LYPLAL1: variants seen among roughly 807,000 people sequenced by gnomAD.
The protein encoded by LYPLAL1 is lysophospholipase-like protein 1.
Under a neutral mutation model 19.7 loss-of-function variants are expected in LYPLAL1, and 23 were observed. The ratio of observed to expected loss-of-function variants is 1.17; its 90% CI spans 0.84 to 1.65. LYPLAL1 has a LOEUF of 1.65. LYPLAL1 is among the 40% of genes most tolerant of loss of function. The pLI is 0.00. For synonymous variants in LYPLAL1, 119 were observed against 96.3 expected (o/e 1.24, Z -1.38); for missense variants, 355 against 279.4 (o/e 1.27, Z -1.93).
At chr1:219,421,415 A>G in the LYPLAL1 span, among the ~76,000 whole-genome samples, 2 of 152,236 alleles carry the variant, frequency 1.3e-5, no homozygotes, top group African/African-American at 4.8e-5. Flanking sequence ...AGTTGCATTC[A>G]TAGCCAATTC....
At chr1:219,314,667 C>T in the LYPLAL1 span, among the ~76,000 whole-genome samples, 8 of 152,084 alleles carry the variant, frequency 5.3e-5, no homozygotes, top group African/African-American at 9.7e-5. Context: ...CTCCTGACTT[C>T]GTGATCCACC....
chr1:219,444,727 C>G, the LYPLAL1 span, among the ~76,000 whole-genome samples: 13 of 152,252 alleles, frequency 8.5e-5, no homozygotes, highest in East Asian at 2.5e-3. Context: ...AAAGCAGATA[C>G]TGTAACATGC....
At chr1:219,365,445 C>A in the LYPLAL1 span, among the ~76,000 whole-genome samples, 4 of 152,060 alleles carry the variant, frequency 2.6e-5, no homozygotes, top group African/African-American at 9.7e-5. Flanking sequence ...TTAGTAAAAA[C>A]CAAAACAACC....
chr1:219,339,366 GTAT>G, the LYPLAL1 span, among the ~76,000 whole-genome samples: 1 of 151,982 alleles, frequency 6.6e-6, no homozygotes, highest in Non-Finnish European at 1.5e-5. Flanking sequence ...CTATCCCACG[GTAT>G]TATAATAAGG....
chr1:219,193,037 C>G, intron 2 of LYPLAL1, 45 bp from the exon 3 acceptor site: 1 of 1,498,088 alleles, frequency 6.7e-7, no homozygotes, highest in South Asian at 1.3e-5. Flanking sequence ...TTTTCATATT[C>G]CCTTTTCCTT....
chr1:219,284,509 G>A, the LYPLAL1 span, among the ~76,000 whole-genome samples: 1 of 151,964 alleles, frequency 6.6e-6, no homozygotes, highest in Non-Finnish European at 1.5e-5. Context: ...CACCTACTAT[G>A]TACCTACAAA....
At chr1:219,213,227 G>C (rs1050690880), downstream of LYPLAL1, among the ~76,000 whole-genome samples, 1 of 151,964 alleles carries the variant, frequency 6.6e-6, no homozygotes, top group African/African-American at 2.4e-5. Context: ...AATTCAGCTA[G>C]ATCTTGCCTT....
chr1:219,439,194 A>G, the LYPLAL1 span, among the ~76,000 whole-genome samples: 356 of 152,202 alleles, frequency 2.3e-3, 3 homozygotes, highest in African/African-American at 8.3e-3. Flanking sequence ...ACTGCTTCAT[A>G]GGTACTCTTC....
the LYPLAL1 span, among the ~76,000 whole-genome samples, chr1:219,274,816 CAT>C: frequency 6.6e-6 from 1 of 152,184 alleles, no homozygotes; most frequent in South Asian, 2.1e-4. Context: ...GACATTATCA[CAT>C]GAGATCATCT....
the LYPLAL1 span, among the ~76,000 whole-genome samples, chr1:219,362,028 T>A: frequency 4.6e-5 from 7 of 152,130 alleles, no homozygotes; most frequent in Admixed American, 3.9e-4. Context: ...AAATTAAATG[T>A]TAATCCTCTT....
the LYPLAL1 span, among the ~76,000 whole-genome samples, chr1:219,260,823 G>A: frequency 2.0e-5 from 3 of 151,446 alleles, no homozygotes; most frequent in Non-Finnish European, 4.4e-5. Context: ...AGTTCTTGAA[G>A]ACAAAAAAAC....
the LYPLAL1 span, among the ~76,000 whole-genome samples, chr1:219,429,837 A>G: frequency 6.6e-5 from 10 of 152,298 alleles, no homozygotes; most frequent in South Asian, 4.1e-4. Context: ...TGGGAAATTC[A>G]GTTGTACATG....
the LYPLAL1 span, among the ~76,000 whole-genome samples, chr1:219,372,391 TC>T: frequency 6.6e-6 from 1 of 152,230 alleles, no homozygotes; most frequent in Admixed American, 6.5e-5. Context: ...TTCAGTTTTC[TC>T]ATTTTCCAAG....
At chr1:219,222,174 A>AGAG in the LYPLAL1 span, 112,021 of 151,538 alleles carry the variant, frequency 0.74, 42,191 homozygotes, top group East Asian at 0.92. Context: ...TAAGGCAGTG[A>AGAG]GAGGAGGAGG....
the LYPLAL1 span, among the ~76,000 whole-genome samples, chr1:219,424,083 T>C: frequency 6.6e-6 from 1 of 150,602 alleles, no homozygotes; most frequent in Non-Finnish European, 1.5e-5. Flanking sequence ...ATACAGAAAA[T>C]AATTAAGATC....
At chr1:219,275,222 C>A in the LYPLAL1 span, among the ~76,000 whole-genome samples, 1 of 151,908 alleles carries the variant, frequency 6.6e-6, no homozygotes, top group East Asian at 1.9e-4. Flanking sequence ...AGCAAGCTTT[C>A]CCTCATTTAA....
At chr1:219,431,641 A>G in the LYPLAL1 span, among the ~76,000 whole-genome samples, 1 of 152,326 alleles carries the variant, frequency 6.6e-6, no homozygotes, top group East Asian at 1.9e-4. Context: ...TTAGCAATCC[A>G]TAACTGTCCA....
the LYPLAL1 span, among the ~76,000 whole-genome samples, chr1:219,266,531 A>G: frequency 6.6e-6 from 1 of 152,154 alleles, no homozygotes; most frequent in Non-Finnish European, 1.5e-5. Context: ...AAGTAGGAGT[A>G]TACTCTAAAA....
chr1:219,314,861 G>A, the LYPLAL1 span, among the ~76,000 whole-genome samples: 1,859 of 152,290 alleles, frequency 0.012, 31 homozygotes, highest in African/African-American at 0.042. Context: ...TAGAATCTTC[G>A]TTTTAACAAA....
Sources: allele counts gnomAD v4.1 joint callset (sites outside exome capture counted in the v4.1 genomes callset), GRCh38; gene constraint gnomAD v4.1.1; transcripts MANE v1.5; gene names NCBI Gene and HGNC (gene_info 2026-07-23, HGNC 2026-07-21).